Variants in CAMK1D observed in about 807,000 individuals in gnomAD.
CAMK1D encodes calcium/calmodulin-dependent protein kinase type 1D.
Under a neutral mutation model 47.7 loss-of-function variants are expected in CAMK1D, and 9 were observed. The observed-to-expected ratio is 0.19, with a 90% CI of 0.11 to 0.33. The LOEUF is 0.33. CAMK1D is among the 10% of genes least tolerant of loss of function. The probability of loss-of-function intolerance (pLI) is 1.00; values close to 1 mark genes in which losing one functional copy is unlikely to be tolerated. For synonymous variants in CAMK1D, 184 were observed against 184.9 expected (o/e 0.99, Z 0.04); for missense variants, 291 against 488.7 (o/e 0.60, Z 3.81).
rs1248292118 is a variant in CAMK1D at position 12,623,145 on chromosome 10, CT to C, written c.225-43589del. On this transcript the variant is annotated intron_variant, in intron 2 of 10. Coordinates refer to ENST00000619168, the MANE Select transcript of CAMK1D (RefSeq NM_153498.4). ...CTTTCCTTCCTCCCTCCCTTCCTCC[CT>C]TCCTTCCTCCCTCCTTTCTTTCCTT... Among the ~76,000 whole-genome samples, 67 of 14,006 alleles carry C rather than the reference CT, an allele frequency of 4.8e-3. 6 individuals carry two copies. Among genetic ancestry groups the C allele is most frequent in the East Asian group, 0.013 (4 of 316 alleles). The allele number at this position is 14,006 out of a possible 152,430, so 9.2% of individuals were successfully genotyped here.
intron 6 of CAMK1D, among the ~76,000 whole-genome samples, chr10:12,805,128 G>T (rs527493805): frequency 6.6e-6 from 1 of 150,840 alleles, no homozygotes; most frequent in South Asian, 2.1e-4. Context: ...GTGTGGTGGC[G>T]CACACCTGTA....
At position 12,666,734 on chromosome 10, in the gene CAMK1D, A is replaced by C; in HGVS notation, c.225-2A>C. 1 of 1,604,044 alleles carries C rather than the reference A, an allele frequency of 6.2e-7. No individual in the cohort carries two copies. Among genetic ancestry groups the C allele is most frequent in the Non-Finnish European group, 8.5e-7 (1 of 1,174,994 alleles). ...ATTTTGTGCGTCTATTTTTTTTTTC[A>C]GGATTAAGCATGAAAATATTGTTGC... On this transcript the variant is annotated splice_acceptor_variant, in intron 2 of 10. Coordinates refer to ENST00000619168, the MANE Select transcript of CAMK1D (RefSeq NM_153498.4). LOFTEE classifies it high-confidence loss of function.
At chr10:12,579,144 G>A (rs1417237144) in intron 2 of CAMK1D, among the ~76,000 whole-genome samples, 1 of 152,124 alleles carries the variant, frequency 6.6e-6, no homozygotes, top group South Asian at 2.1e-4. Flanking sequence ...GTCCTCGGAA[G>A]GCGCCTGAGT....
At chr10:12,394,024 C>T (rs1027641376) in intron 1 of CAMK1D, among the ~76,000 whole-genome samples, 1 of 152,194 alleles carries the variant, frequency 6.6e-6, no homozygotes, top group Non-Finnish European at 1.5e-5. Flanking sequence ...CCGCTTCAGA[C>T]GCCAGTCACA....
chr10:12,368,686 G>A (rs948994503), intron 1 of CAMK1D, among the ~76,000 whole-genome samples: 49 of 151,658 alleles, frequency 3.2e-4, no homozygotes, highest in African/African-American at 1.2e-3. Context: ...TAGCACTTTG[G>A]GAGGCCCAAA....
rs1837014187 is a variant in CAMK1D at position 12,771,007 on chromosome 10, G to A, written c.565+1208G>A. ...TGCAGTGGCGCAATCCCGACTCACT[G>A]CAACCTCCGCTTCCTGGATTCAAGT... is the stretch of plus-strand genomic sequence containing the variant. On this transcript the variant is annotated intron_variant, in intron 5 of 10. Transcript: ENST00000619168. Among the ~76,000 whole-genome samples the A allele has an allele frequency of 2.6e-5, 4 of 152,228 alleles. No homozygotes were observed. In the South Asian group the frequency reaches 8.3e-4, roughly 32 times the overall value.
At chr10:12,808,056 G>C (rs2493758) in intron 6 of CAMK1D, among the ~76,000 whole-genome samples, 152,103 of 152,312 alleles carry the variant, frequency 1, 75,948 homozygotes, top group Middle Eastern at 1. Flanking sequence ...CTTCCATGCT[G>C]GAATAAACTG....
chr10:12,390,130 G>A (rs1035616051), intron 1 of CAMK1D, among the ~76,000 whole-genome samples: 7 of 152,110 alleles, frequency 4.6e-5, no homozygotes, highest in Admixed American at 3.9e-4. Flanking sequence ...TTTATAAAGC[G>A]CTTGTACTGC....
intron 1 of CAMK1D, among the ~76,000 whole-genome samples, chr10:12,458,970 C>T (rs898696825): frequency 6.6e-6 from 1 of 151,612 alleles, no homozygotes; most frequent in African/African-American, 2.4e-5. Context: ...CCTCTGCCTC[C>T]CAGGTTCAAG....
intron 1 of CAMK1D, among the ~76,000 whole-genome samples, chr10:12,476,309 T>A (rs1311400932): frequency 6.6e-6 from 1 of 150,560 alleles, no homozygotes; most frequent in Non-Finnish European, 1.5e-5. Context: ...AAAAGAAGTC[T>A]AGAGTGAATC....
intron 1 of CAMK1D, among the ~76,000 whole-genome samples, chr10:12,411,202 C>A (rs929934226): frequency 6.6e-6 from 1 of 152,166 alleles, no homozygotes; most frequent in Admixed American, 6.5e-5. Context: ...GACTAGCCCG[C>A]TATGTCATGT....
chr10:12,387,448 T>TATATATATATATATA (rs1838561747), intron 1 of CAMK1D, among the ~76,000 whole-genome samples: 1 of 83,996 alleles, frequency 1.2e-5, no homozygotes, highest in Non-Finnish European at 2.0e-5. Flanking sequence ...ATATATTTTA[T>TATATATATATATATA]ATATATATAT....
chr10:12,391,760 G>A (rs1360975729), intron 1 of CAMK1D, among the ~76,000 whole-genome samples: 1 of 152,130 alleles, frequency 6.6e-6, no homozygotes, highest in Non-Finnish European at 1.5e-5. Flanking sequence ...GTAATGGCAA[G>A]CATAAGGAAA....
At chr10:12,429,371 G>A (rs1409865743) in intron 1 of CAMK1D, among the ~76,000 whole-genome samples, 7 of 151,556 alleles carry the variant, frequency 4.6e-5, no homozygotes, top group Non-Finnish European at 1.0e-4. Flanking sequence ...ACAGAGTCTC[G>A]CTTTGTCACC....
At chr10:12,776,663 C>T (rs1170445797) in intron 5 of CAMK1D, among the ~76,000 whole-genome samples, 1 of 152,138 alleles carries the variant, frequency 6.6e-6, no homozygotes, top group Non-Finnish European at 1.5e-5. Flanking sequence ...GATTCACAGC[C>T]CACAGCACCG....
At chr10:12,589,004 A>G (rs980344886) in intron 2 of CAMK1D, among the ~76,000 whole-genome samples, 43 of 151,946 alleles carry the variant, frequency 2.8e-4, no homozygotes, top group African/African-American at 9.9e-4. Context: ...GGGACACATT[A>G]TATACACACA....
chr10:12,407,261 T>C (rs1839470467), intron 1 of CAMK1D, among the ~76,000 whole-genome samples: 1 of 152,252 alleles, frequency 6.6e-6, no homozygotes, highest in South Asian at 2.1e-4. Context: ...CCGTGAGGAC[T>C]GGACTCAGTT....
intron 2 of CAMK1D, among the ~76,000 whole-genome samples, chr10:12,598,808 G>A (rs1838219301): frequency 6.6e-6 from 1 of 152,204 alleles, no homozygotes; most frequent in Non-Finnish European, 1.5e-5. Context: ...CGCGTATCTT[G>A]CAAATAACAT....
rs759652179 is a variant in CAMK1D, at chr10:12,824,447, C to T, written c.834-18C>T. On this transcript the variant is annotated intron_variant, in intron 8 of 10. Transcript: ENST00000619168. ...CCAGAAGAAGCACTTCAGAGCAGCA[C>T]CTTTGCCTCTGTTTCAGGATCGCTG... is the stretch of plus-strand genomic sequence containing the variant. 1 of 1,611,826 alleles carries T rather than the reference C, an allele frequency of 6.2e-7. No homozygotes were observed.
Sources: gnomAD v4.1 joint callset for allele counts (sites outside exome capture counted in the v4.1 genomes callset) on GRCh38, gnomAD v4.1.1 for gene constraint, MANE v1.5 for transcripts, NCBI Gene and HGNC (gene_info 2026-07-23, HGNC 2026-07-21) for gene names.